The following KCNQ2 variants were observed in gnomAD, a reference collection of about 807,000 sequenced individuals.
KCNQ2 encodes the protein potassium voltage-gated channel subfamily KQT member 2.
Under a neutral mutation model 84.8 loss-of-function variants are expected in KCNQ2, and 14 were observed. That is an observed-to-expected ratio of 0.17 (90% confidence interval 0.11 to 0.26). The LOEUF (loss-of-function observed/expected upper bound fraction) is 0.26, where lower values mean the gene tolerates loss of function less well. Ranked by LOEUF, KCNQ2 falls within the 10% of genes least tolerant of loss-of-function variation. KCNQ2 has a pLI of 1.00. For missense variants in KCNQ2, 788 were observed against 1,254.0 expected, an observed-to-expected ratio of 0.63 and a Z score of 5.61; for synonymous variants, 599 against 554.1, an observed-to-expected ratio of 1.08 and a Z score of -1.14.
intron 1 of KCNQ2, among the ~76,000 whole-genome samples, chr20:63,462,877 AAAG>A (rs1286146686): frequency 3.9e-5 from 6 of 152,154 alleles, no homozygotes; most frequent in Non-Finnish European, 7.3e-5. Context: ...ACACATGTGA[AAAG>A]AAGTGAGTGA....
Position 63,420,258 on chromosome 20 carries a change from A to G in KCNQ2, c.1248-586T>C, listed in dbSNP as rs367944057. 3.6e-4 allele frequency among the ~76,000 whole-genome samples: 55 copies of G among 152,342 alleles called. 2 individuals are homozygous for G. The South Asian group carries it at 0.011, about 31-fold the overall frequency. Reference sequence around the variant, plus strand: ...GGACAGTCACGTTGGGGCTCAGTGGATCCCCTCATTGTGAAGCCCTTCAGG... The same window carrying G: ...GGACAGTCACGTTGGGGCTCAGTGGGTCCCCTCATTGTGAAGCCCTTCAGG... On this transcript the variant is annotated intron_variant, in intron 11 of 16. Transcript: ENST00000359125.
chr20:63,414,291 C>A lies in KCNQ2; in HGVS notation c.1526-98G>T, dbSNP rs2080218407. 4 of 862,578 alleles carry A rather than the reference C, an allele frequency of 4.6e-6. No individual in the cohort carries two copies. The highest frequency in any genetic ancestry group is 7.7e-6 in the Non-Finnish European group (4 of 519,772). 53.4% of individuals were successfully genotyped at this position (862,578 alleles called of 1,614,324 possible). On this transcript the variant is annotated intron_variant, in intron 13 of 16. Transcript: ENST00000359125. This position sits in a 1 kb window ranked among gnomAD's most constrained non-coding sequence, Gnocchi z 6.6. The stretch of plus-strand genomic sequence containing the variant: ...ACCGGCTAGACAGAGCGCCAGGGAG[C>A]CCCTCGAGGCTCCCTGTGGTGCCCC...
In KCNQ2 at chr20:63,406,897, G is replaced by C; in HGVS notation, c.2366C>G (p.Ser789Cys). 6.2e-7 allele frequency: 1 copy of C among 1,611,474 alleles called. No homozygotes were observed. Among genetic ancestry groups the C allele is most frequent in the Non-Finnish European group, 8.5e-7 (1 of 1,179,556 alleles). The change falls in exon 17 of 17, where the codon TCC becomes TGC. Residue 789 changes from serine to cysteine, a missense_variant. Ser to Cys is a moderately radical substitution (Grantham distance 112). Transcript: ENST00000359125. ...CTCCTCGTGGTCCACGGACGGGATGGAGATGGACGTGTCGCTGTCCCGCAG... is the reference window on the plus strand; with the variant it reads ...CTCCTCGTGGTCCACGGACGGGATGCAGATGGACGTGTCGCTGTCCCGCAG... The part of the protein sequence containing the change: ...GNLRDSDTSI[S>C]IPSVDHEELE...
intron 15 of KCNQ2, chr20:63,413,196 C>T (rs2080176280): frequency 1.8e-6 from 1 of 541,436 alleles, no homozygotes; most frequent in Non-Finnish European, 3.5e-6. Context: ...TGCACACACA[C>T]ATTTTCAGGG....
At chr20:63,413,281 T>C (rs1333728870) in intron 15 of KCNQ2, 169 bp downstream of exon 15, 5 of 729,542 alleles carry the variant, frequency 6.9e-6, no homozygotes, top group Non-Finnish European at 1.1e-5. Flanking sequence ...AGCAGAAATA[T>C]TAAAACAGAC....
chr20:63,443,409 TCACCATCAC>T (rs2081311353), intron 4 of KCNQ2, among the ~76,000 whole-genome samples: 1 of 32,102 alleles, frequency 3.1e-5, no homozygotes, highest in Non-Finnish European at 5.1e-5. Flanking sequence ...ATCACCACCA[TCACCATCAC>T]CACCATCATC....
chr20:63,400,521 C>T lies in KCNQ2; in HGVS notation c.*6123G>A. 1 of 397,886 alleles carries T rather than the reference C, an allele frequency of 2.5e-6. No individual in the cohort carries two copies. The highest frequency in any genetic ancestry group is 3.6e-5 in the East Asian group (1 of 28,078). 24.6% of individuals were successfully genotyped at this position (397,886 alleles called of 1,614,324 possible). A position where few individuals can be genotyped will look rare whatever the true frequency, so the allele number is the denominator to read the frequency against. On this transcript the variant is annotated 3_prime_UTR_variant, in exon 17 of 17. Transcript: ENST00000359125. This position sits in a 1 kb window ranked among gnomAD's most constrained non-coding sequence, Gnocchi z 8.7. ...GGGTAACACATCCACCAAAAAAAGG[C>T]CTGGTCACTACGGCACAAGGACACA... is the stretch of plus-strand genomic sequence containing the variant.
intron 1 of KCNQ2, among the ~76,000 whole-genome samples, chr20:63,465,922 G>A (rs57647150): frequency 0.024 from 3,691 of 152,324 alleles, 159 homozygotes; most frequent in African/African-American, 0.083. Context: ...GTGCTGAGGC[G>A]TCCCGGCGGG....
chr20:63,424,223 C>T lies in KCNQ2; in HGVS notation c.1218-17G>A. 1 of 1,553,684 alleles carries T rather than the reference C, an allele frequency of 6.4e-7. No individual in the cohort carries two copies. Among genetic ancestry groups the T allele is most frequent in the South Asian group, 1.2e-5 (1 of 84,216 alleles). ...GGGTCCTTCCTTCAAACAGAAGCAA[C>T]AGAGAGTTAGTGGCCGCCCACTCAG... On this transcript the variant is annotated splice_polypyrimidine_tract_variant and intron_variant, in intron 10 of 16. Coordinates refer to ENST00000359125, the MANE Select transcript of KCNQ2 (RefSeq NM_172107.4).
chr20:63,442,719 C>CCAT (rs1568933980), intron 4 of KCNQ2, among the ~76,000 whole-genome samples, 188 bp from the exon 5 acceptor site: 461 of 38,360 alleles, frequency 0.012, 20 homozygotes, highest in African/African-American at 0.016. Context: ...ACCACCACCA[C>CCAT]CACCATCATC....
At chr20:63,434,082 C>A (rs2080914867) in intron 7 of KCNQ2, 179 bp from the exon 8 acceptor site, 1 of 584,002 alleles carries the variant, frequency 1.7e-6, no homozygotes, top group Non-Finnish European at 3.0e-6. Context: ...TCAGTTTACC[C>A]TCTGTAGGAC....
chr20:63,463,203 A>T (rs1341583959), intron 1 of KCNQ2, among the ~76,000 whole-genome samples: 1 of 152,144 alleles, frequency 6.6e-6, no homozygotes, highest in Non-Finnish European at 1.5e-5. Flanking sequence ...TCTGGGCTGC[A>T]GTGAGCTACA....
At chr20:63,454,265 G>A (rs866448564) in intron 1 of KCNQ2, among the ~76,000 whole-genome samples, 1 of 152,172 alleles carries the variant, frequency 6.6e-6, no homozygotes, top group Non-Finnish European at 1.5e-5. Flanking sequence ...GGAAGCAGCT[G>A]CCCCTCCCGC....
intron 1 of KCNQ2, among the ~76,000 whole-genome samples, chr20:63,462,596 T>A (rs2081984885): frequency 1.3e-5 from 2 of 152,232 alleles, no homozygotes; most frequent in African/African-American, 4.8e-5. Flanking sequence ...AAAGTGAGTG[T>A]TAAACTTCTC....
rs1426418095 is a variant in KCNQ2, at chr20:63,403,901, C to T, written c.*2743G>A. 1 of 152,278 alleles carries T rather than the reference C, an allele frequency of 6.6e-6. No homozygotes were observed. The highest frequency in any genetic ancestry group is 1.5e-5 in the Non-Finnish European group (1 of 68,078). 9.4% of individuals were successfully genotyped at this position (152,278 alleles called of 1,614,324 possible). A position where few individuals can be genotyped will look rare whatever the true frequency, so the allele number is the denominator to read the frequency against. On this transcript the variant is annotated 3_prime_UTR_variant, in exon 17 of 17. Transcript: ENST00000359125. Reference sequence around the variant, plus strand: ...GGCAGCGCCGCACCACCTCCAGCCTCCTTCCCGCTGCACTTCTCTGAGGTG... The same window carrying T: ...GGCAGCGCCGCACCACCTCCAGCCTTCTTCCCGCTGCACTTCTCTGAGGTG...
intron 14 of KCNQ2, 112 bp downstream of exon 14, chr20:63,413,976 C>A: frequency 1.2e-6 from 1 of 807,192 alleles, no homozygotes; most frequent in Non-Finnish European, 2.1e-6. Context: ...TCCCAGTAGA[C>A]TCTGTCTCTG....
At chr20:63,469,739 G>A (rs28672823) in intron 1 of KCNQ2, among the ~76,000 whole-genome samples, 13,883 of 152,348 alleles carry the variant, frequency 0.091, 1,069 homozygotes, top group East Asian at 0.45. Context: ...ACTGAGCTCC[G>A]TCTCCGTTTA....
intron 1 of KCNQ2, among the ~76,000 whole-genome samples, chr20:63,452,803 CAG>C (rs1366525298): frequency 1.3e-5 from 2 of 152,146 alleles, no homozygotes; most frequent in African/African-American, 4.8e-5. Context: ...CCTGCAGCCA[CAG>C]AGAGAGGCCC....
Position 63,401,041 on chromosome 20 carries a change from C to T in KCNQ2, c.*5603G>A. The T allele has an allele frequency of 2.5e-6, 1 of 396,054 alleles. No individual in the cohort carries two copies. The highest frequency in any genetic ancestry group is 4.4e-6 in the Non-Finnish European group (1 of 224,906). The allele number at this position is 396,054 out of a possible 1,614,324, so 24.5% of individuals were successfully genotyped here. On this transcript the variant is annotated 3_prime_UTR_variant, in exon 17 of 17. Transcript: ENST00000359125. ...CTGGTAGCCCCGGGGACCGGCCCCT[C>T]CTTGCTGGCGCCTGGCCGAGAGTCA...
Sources: gnomAD v4.1 joint callset for allele counts (sites outside exome capture counted in the v4.1 genomes callset) on GRCh38, gnomAD v4.1.1 for gene constraint, Gnocchi (gnomAD v3.1) non-coding constraint, MANE v1.5 for transcripts, NCBI Gene and HGNC (gene_info 2026-07-23, HGNC 2026-07-21) for gene names.